Variants in WDPCP observed in about 807,000 individuals in gnomAD.
WDPCP encodes WD repeat containing planar cell polarity effector, also known as WD repeat-containing and planar cell polarity effector protein fritz homolog.
Under a neutral mutation model 93.1 loss-of-function variants are expected in WDPCP, and 71 were observed. The ratio of observed to expected loss-of-function variants is 0.76; its 90% CI spans 0.63 to 0.93. The LOEUF (loss-of-function observed/expected upper bound fraction) is 0.93, where lower values mean the gene tolerates loss of function less well. Among genes scored for constraint, WDPCP ranks in the 40% least tolerant of loss-of-function variants. The probability of loss-of-function intolerance (pLI) is 0.00; values close to 1 mark genes in which losing one functional copy is unlikely to be tolerated. For missense variants in WDPCP, 844 were observed against 887.4 expected, an observed-to-expected ratio of 0.95 and a Z score of 0.62; for synonymous variants, 315 against 315.0, an observed-to-expected ratio of 1.00 and a Z score of 0.00.
intron 2 of WDPCP, among the ~76,000 whole-genome samples, chr2:63,727,289 G>C (rs1669507246): frequency 6.6e-6 from 1 of 152,116 alleles, no homozygotes. Context: ...CCTTTTCTGA[G>C]TCTACTGAGA....
chr2:63,679,751 C>A (rs1415729605), intron 2 of WDPCP, among the ~76,000 whole-genome samples: 1 of 152,052 alleles, frequency 6.6e-6, no homozygotes, highest in African/African-American at 2.4e-5. Context: ...TTACTCATAG[C>A]TTAGGGACAT....
chr2:63,780,944 T>C (rs1487159549), intron 2 of WDPCP, among the ~76,000 whole-genome samples: 1 of 152,136 alleles, frequency 6.6e-6, no homozygotes, highest in Non-Finnish European at 1.5e-5. Context: ...CCGGGCCAAG[T>C]AGTCATTTTG....
chr2:63,761,512 A>G (rs751439384), intron 2 of WDPCP, among the ~76,000 whole-genome samples: 1 of 152,084 alleles, frequency 6.6e-6, no homozygotes, highest in Non-Finnish European at 1.5e-5. Context: ...TTAAGCATTA[A>G]CTCACGCAAT....
intron 2 of WDPCP, among the ~76,000 whole-genome samples, chr2:63,745,629 C>T (rs1438993854): frequency 3.3e-5 from 4 of 123,002 alleles, no homozygotes; most frequent in Non-Finnish European, 7.0e-5. Flanking sequence ...AAATCATATG[C>T]GCATGCACGC....
intron 14 of WDPCP, among the ~76,000 whole-genome samples, chr2:63,206,277 T>C (rs763475777): frequency 1.3e-5 from 2 of 152,148 alleles, no homozygotes; most frequent in Non-Finnish European, 2.9e-5. Flanking sequence ...TATTCACCAG[T>C]TGCTTTCTTT....
At chr2:63,589,527 T>G, upstream of WDPCP, 2 of 800,798 alleles carry the variant, frequency 2.5e-6, no homozygotes, top group Non-Finnish European at 4.2e-6. Context: ...GATTACGATC[T>G]GCGTTTGCAG....
Position 63,396,842 on chromosome 2 carries a change from T to C in WDPCP, c.1435+7206A>G, listed in dbSNP as rs925384623. 3.3e-5 allele frequency among the ~76,000 whole-genome samples: 5 copies of C among 152,210 alleles called. No homozygotes were observed. In the South Asian group the frequency reaches 1.0e-3, roughly 32 times the overall value. On this transcript the variant is annotated intron_variant, in intron 10 of 17. Transcript: ENST00000272321. ...AACTCCACCCTCAAGTAGACCCCAG[T>C]GTTTGCTGTTCATTTGTTTGTGTTC...
At chr2:63,676,791 A>C (rs1325450706) in intron 2 of WDPCP, among the ~76,000 whole-genome samples, 1 of 49,056 alleles carries the variant, frequency 2.0e-5, no homozygotes, top group African/African-American at 1.8e-4. Context: ...AGAACTACAC[A>C]TACACACACA....
intron 15 of WDPCP, among the ~76,000 whole-genome samples, chr2:63,154,759 C>A (rs779524570): frequency 2.0e-5 from 3 of 152,044 alleles, no homozygotes; most frequent in Non-Finnish European, 4.4e-5. Context: ...ACATTTCATG[C>A]GACAATGAAT....
intron 2 of WDPCP, among the ~76,000 whole-genome samples, chr2:63,660,597 C>A (rs1298674242): frequency 2.0e-5 from 3 of 152,116 alleles, no homozygotes; most frequent in African/African-American, 7.2e-5. Flanking sequence ...TGTCACAAAC[C>A]TATGCATGTA....
chr2:63,330,159 C>G (rs1349859521), intron 12 of WDPCP, among the ~76,000 whole-genome samples: 3 of 152,148 alleles, frequency 2.0e-5, no homozygotes, highest in East Asian at 3.9e-4. Flanking sequence ...TTTGAGAAAC[C>G]TTTATACTGT....
chr2:63,316,300 A>G (rs538153497), intron 12 of WDPCP, among the ~76,000 whole-genome samples: 1 of 152,316 alleles, frequency 6.6e-6, no homozygotes, highest in African/African-American at 2.4e-5. Context: ...AACAATGTAT[A>G]TCAGGCAGGA....
intron 15 of WDPCP, among the ~76,000 whole-genome samples, chr2:63,166,284 C>T (rs967888676): frequency 1.3e-5 from 2 of 152,074 alleles, no homozygotes; most frequent in Non-Finnish European, 2.9e-5. Context: ...CCAGGCTGGT[C>T]TCAAACCCCT....
chr2:63,166,093 G>A (rs1452707170), intron 15 of WDPCP, among the ~76,000 whole-genome samples: 4 of 151,750 alleles, frequency 2.6e-5, no homozygotes, highest in Non-Finnish European at 5.9e-5. Flanking sequence ...TTGAAACGGA[G>A]TCTAGCCCAG....
intron 9 of WDPCP, among the ~76,000 whole-genome samples, chr2:63,410,924 G>C (rs751944756): frequency 1.3e-5 from 2 of 152,108 alleles, no homozygotes; most frequent in Admixed American, 1.3e-4. Flanking sequence ...AAATGAGATA[G>C]ATAGCAACAC....
intron 9 of WDPCP, among the ~76,000 whole-genome samples, chr2:63,433,468 G>A (rs1011073463): frequency 2.0e-5 from 3 of 152,042 alleles, no homozygotes; most frequent in Admixed American, 6.5e-5. Flanking sequence ...TTCAAATAAT[G>A]AAACTATAGC....
chr2:63,241,951 A>G (rs1211505551), intron 14 of WDPCP, among the ~76,000 whole-genome samples: 1 of 152,184 alleles, frequency 6.6e-6, no homozygotes, highest in Non-Finnish European at 1.5e-5. Flanking sequence ...AAGCTTTTGA[A>G]TGATTTTTAA....
intron 2 of WDPCP, among the ~76,000 whole-genome samples, chr2:63,652,258 T>G (rs540649441): frequency 6.6e-6 from 1 of 152,162 alleles, no homozygotes; most frequent in Admixed American, 6.5e-5. Context: ...TCCAGTTAAC[T>G]TTGGAGGCTT....
At chr2:63,583,926 C>T (rs548131468) in intron 1 of WDPCP, among the ~76,000 whole-genome samples, 2 of 151,704 alleles carry the variant, frequency 1.3e-5, no homozygotes, top group South Asian at 2.1e-4. Context: ...AGCAACCTAG[C>T]GAGACCACAT....
Sources: gnomAD v4.1 joint callset for allele counts (sites outside exome capture counted in the v4.1 genomes callset) on GRCh38, gnomAD v4.1.1 for gene constraint, MANE v1.5 for transcripts, NCBI Gene and HGNC (gene_info 2026-07-23, HGNC 2026-07-21) for gene names.